The following FHOD3 variants were observed in gnomAD, a reference collection of about 807,000 sequenced individuals.
FHOD3 encodes FH1/FH2 domain-containing protein 3.
In FHOD3, 90 loss-of-function variants were observed where a neutral mutation model predicts 173.0. That is an observed-to-expected ratio of 0.52 (90% CI 0.44 to 0.62). FHOD3 has a LOEUF of 0.62. Ranked by LOEUF, FHOD3 falls within the 20% of genes least tolerant of loss-of-function variation. FHOD3 has a pLI of 0.00. For synonymous variants in FHOD3, 828 were observed against 823.0 expected (o/e 1.01, Z -0.10); for missense variants, 1,945 against 2,034.7 (o/e 0.96, Z 0.85).
intron 13 of FHOD3, among the ~76,000 whole-genome samples, chr18:36,656,569 A>G (rs1434016376): frequency 6.6e-6 from 1 of 152,180 alleles, no homozygotes; most frequent in Non-Finnish European, 1.5e-5. Context: ...CCATTATAAT[A>G]ATGAAATTTC....
chr18:36,591,245 A>G (rs1207376074), intron 6 of FHOD3, among the ~76,000 whole-genome samples: 1 of 152,202 alleles, frequency 6.6e-6, no homozygotes, highest in Non-Finnish European at 1.5e-5. Flanking sequence ...TCAAGTTATG[A>G]GGGCAGATAC....
chr18:36,603,983 G>T (rs2031753581), intron 8 of FHOD3, among the ~76,000 whole-genome samples: 1 of 152,126 alleles, frequency 6.6e-6, no homozygotes, highest in Non-Finnish European at 1.5e-5. Flanking sequence ...TCACGTGATG[G>T]TGACCACACC....
chr18:36,532,436 G>A (rs1453189972), intron 5 of FHOD3, among the ~76,000 whole-genome samples: 4 of 152,212 alleles, frequency 2.6e-5, no homozygotes, highest in African/African-American at 9.7e-5. Flanking sequence ...TGGGGGACAG[G>A]GGACCAGTGG....
intron 18 of FHOD3, among the ~76,000 whole-genome samples, chr18:36,714,503 C>T (rs1285662802): frequency 6.6e-6 from 1 of 152,186 alleles, no homozygotes; most frequent in Non-Finnish European, 1.5e-5. Flanking sequence ...CATCACTGCA[C>T]TCCAGTCTGG....
chr18:36,313,826 CTTA>C (rs1416571245), intron 1 of FHOD3, among the ~76,000 whole-genome samples: 1 of 151,758 alleles, frequency 6.6e-6, no homozygotes, highest in African/African-American at 2.4e-5. Context: ...TGGCTCTCTC[CTTA>C]GCAGGGCAGT....
At chr18:36,528,681 C>T (rs894241859) in intron 5 of FHOD3, among the ~76,000 whole-genome samples, 3 of 152,178 alleles carry the variant, frequency 2.0e-5, no homozygotes, top group African/African-American at 7.2e-5. Flanking sequence ...TTACACAACG[C>T]CAGCGCCACA....
chr18:36,574,457 A>G (rs2058572542), intron 5 of FHOD3, among the ~76,000 whole-genome samples: 1 of 152,084 alleles, frequency 6.6e-6, no homozygotes, highest in African/African-American at 2.4e-5. Flanking sequence ...ACTAGTTTGT[A>G]TTAACTATTT....
chr18:36,584,460 A>C (rs904132666), intron 6 of FHOD3, among the ~76,000 whole-genome samples: 1 of 152,242 alleles, frequency 6.6e-6, no homozygotes, highest in Non-Finnish European at 1.5e-5. Flanking sequence ...AGCAAATTCT[A>C]TATGGTCCAG....
chr18:36,566,338 C>T (rs1390849179), intron 5 of FHOD3, among the ~76,000 whole-genome samples: 1 of 152,120 alleles, frequency 6.6e-6, no homozygotes, highest in Non-Finnish European at 1.5e-5. Flanking sequence ...TCAAGTCTAG[C>T]TCTGTTTGTA....
chr18:36,370,651 A>C lies in FHOD3; in HGVS notation c.273-2029A>C, dbSNP rs551905503. Among the ~76,000 whole-genome samples, 5 of 152,332 alleles carry C rather than the reference A, an allele frequency of 3.3e-5. No individual in the cohort carries two copies. The East Asian group carries it at 7.7e-4, about 24-fold the overall frequency. ...GCATTCTGAAATGTCTTCCCTGGCCAGCTCATGCTTTTTCTCTCTCTGGGC... is the reference window on the plus strand; with the variant it reads ...GCATTCTGAAATGTCTTCCCTGGCCCGCTCATGCTTTTTCTCTCTCTGGGC... On this transcript the variant is annotated intron_variant, in intron 2 of 28. Transcript: ENST00000590592.
chr18:36,441,455 AG>A (rs1435301389), intron 3 of FHOD3, among the ~76,000 whole-genome samples: 1 of 152,228 alleles, frequency 6.6e-6, no homozygotes, highest in East Asian at 1.9e-4. Flanking sequence ...TGGAGTCTAC[AG>A]GAAGTGTGAC....
intron 5 of FHOD3, among the ~76,000 whole-genome samples, chr18:36,564,710 G>T (rs1295536416): frequency 6.6e-6 from 1 of 152,168 alleles, no homozygotes; most frequent in Non-Finnish European, 1.5e-5. Flanking sequence ...CTGTTTGGAA[G>T]GCCTGGGGAG....
chr18:36,501,849 T>A, intron 3 of FHOD3, 83 bp from the exon 4 acceptor site: 1 of 957,866 alleles, frequency 1.0e-6, no homozygotes, highest in East Asian at 2.7e-5. Context: ...AGGGATAGTT[T>A]TGTTATCATT....
intron 3 of FHOD3, among the ~76,000 whole-genome samples, chr18:36,473,007 A>G (rs112262581): frequency 3.3e-4 from 50 of 152,230 alleles, no homozygotes; most frequent in Admixed American, 1.1e-3. Context: ...GACATGACCA[A>G]AGCCCATCCT....
chr18:36,321,736 G>A (rs528657761), intron 1 of FHOD3, among the ~76,000 whole-genome samples: 2 of 152,288 alleles, frequency 1.3e-5, no homozygotes, highest in African/African-American at 4.8e-5. Context: ...AGGGCTGTGA[G>A]CCCTCCGTGC....
At chr18:36,658,919 A>G (rs936977554) in intron 14 of FHOD3, among the ~76,000 whole-genome samples, 17 of 152,158 alleles carry the variant, frequency 1.1e-4, no homozygotes, top group Non-Finnish European at 1.8e-4. Flanking sequence ...TGAGCAAACA[A>G]AAGTCCACTC....
chr18:36,399,642 C>A (rs553054273), intron 3 of FHOD3, among the ~76,000 whole-genome samples: 7 of 152,250 alleles, frequency 4.6e-5, no homozygotes, highest in African/African-American at 1.4e-4. Flanking sequence ...TTTGGCTAGC[C>A]TTGTGCTCAG....
intron 1 of FHOD3, among the ~76,000 whole-genome samples, chr18:36,350,959 C>T (rs1313134781): frequency 1.3e-5 from 2 of 152,164 alleles, no homozygotes; most frequent in African/African-American, 4.8e-5. Context: ...TTGCTGTTTT[C>T]AACATATTGG....
intron 17 of FHOD3, among the ~76,000 whole-genome samples, chr18:36,694,587 A>G (rs1451339912): frequency 6.6e-6 from 1 of 152,164 alleles, no homozygotes; most frequent in Non-Finnish European, 1.5e-5. Context: ...CCTGCCTTAT[A>G]TCATTGCTAT....
Sources: gnomAD v4.1 joint callset for allele counts (sites outside exome capture counted in the v4.1 genomes callset) on GRCh38, gnomAD v4.1.1 for gene constraint, MANE v1.5 for transcripts, NCBI Gene and HGNC (gene_info 2026-07-23, HGNC 2026-07-21) for gene names.